The following IL19 variants were observed in gnomAD, a reference collection of about 807,000 sequenced individuals.
IL19 encodes the protein interleukin 19.
Under a neutral mutation model 19.5 loss-of-function variants are expected in IL19, and 15 were observed. The ratio of observed to expected loss-of-function variants is 0.77; its 90% CI spans 0.52 to 1.19. The LOEUF is 1.19. Among genes scored for constraint, IL19 ranks in the 50% most tolerant of loss-of-function variants. IL19 has a pLI of 0.00. For missense variants in IL19, 199 were observed against 213.1 expected, an observed-to-expected ratio of 0.93 and a Z score of 0.41; for synonymous variants, 78 against 78.3, an observed-to-expected ratio of 1.00 and a Z score of 0.02.
At chr1:206,778,690 T>C (rs1028102627) in intron 1 of IL19, among the ~76,000 whole-genome samples, 5 of 152,210 alleles carry the variant, frequency 3.3e-5, no homozygotes, top group Non-Finnish European at 5.9e-5. Context: ...CCCCTGCCAA[T>C]TTATGTAGTT....
At chr1:206,801,169 T>TAA (rs56281649) in intron 2 of IL19, among the ~76,000 whole-genome samples, 41,700 of 144,676 alleles carry the variant, frequency 0.29, 6,674 homozygotes, top group East Asian at 0.64. Context: ...ATTCGTAGTT[T>TAA]AAAAAAAAAA....
At chr1:206,783,805 C>T (rs757705452) in intron 1 of IL19, among the ~76,000 whole-genome samples, 1 of 152,174 alleles carries the variant, frequency 6.6e-6, no homozygotes, top group Non-Finnish European at 1.5e-5. Flanking sequence ...ATCTGTGTGA[C>T]CTTGGGCAAG....
intron 1 of IL19, among the ~76,000 whole-genome samples, chr1:206,782,025 A>ATATATACATATATATGTATATATAAC (rs1675159603): frequency 1.0e-5 from 1 of 97,914 alleles, no homozygotes; most frequent in Admixed American, 1.2e-4. Flanking sequence ...GTATATAGTT[A>ATATATACATATATATGTATATATAAC]TATATACATA....
At chr1:206,775,299 G>A (rs548715872) in intron 1 of IL19, among the ~76,000 whole-genome samples, 2 of 152,108 alleles carry the variant, frequency 1.3e-5, no homozygotes, top group East Asian at 1.9e-4. Context: ...TGATCCGCCC[G>A]CCTTGGCCTC....
At chr1:206,795,570 A>G (rs1478953065) in intron 1 of IL19, among the ~76,000 whole-genome samples, 1 of 152,214 alleles carries the variant, frequency 6.6e-6, no homozygotes, top group Non-Finnish European at 1.5e-5. Flanking sequence ...GAACTGTAGA[A>G]TGCTGGAGTT....
At chr1:206,806,554 T>A (rs759431639) in intron 2 of IL19, among the ~76,000 whole-genome samples, 3 of 152,238 alleles carry the variant, frequency 2.0e-5, no homozygotes, top group Non-Finnish European at 2.9e-5. Flanking sequence ...GAGAATTCTA[T>A]GCCTAGGTAA....
chr1:206,820,391 G>A lies in IL19; in HGVS notation c.-2-16270G>A, dbSNP rs562248680. ...CTGAGGGATATGTTCTATATTTGGA[G>A]CCTAAAGACCTACTAGCACCATCTA... On this transcript the variant is annotated intron_variant, in intron 2 of 6. Transcript: ENST00000659997. Among the ~76,000 whole-genome samples, 31 of 152,272 alleles carry A rather than the reference G, an allele frequency of 2.0e-4. 1 individual carries two copies. In the South Asian group the frequency reaches 6.4e-3, roughly 32 times the overall value.
intron 1 of IL19, among the ~76,000 whole-genome samples, chr1:206,783,227 T>C (rs1437648901): frequency 2.0e-5 from 3 of 152,110 alleles, no homozygotes; most frequent in Non-Finnish European, 2.9e-5. Flanking sequence ...AGAAACTCCT[T>C]TTCCCAGGGT....
chr1:206,782,361 T>C (rs952140391), intron 1 of IL19, among the ~76,000 whole-genome samples: 9 of 152,026 alleles, frequency 5.9e-5, no homozygotes, highest in African/African-American at 2.2e-4. Context: ...AATTTTCCCC[T>C]GGAAAAGGGA....
At chr1:206,780,626 G>A (rs888869428) in intron 1 of IL19, among the ~76,000 whole-genome samples, 2 of 152,192 alleles carry the variant, frequency 1.3e-5, no homozygotes, top group African/African-American at 4.8e-5. Context: ...AGAAGAAGAG[G>A]GGGTCTTATC....
intron 1 of IL19, among the ~76,000 whole-genome samples, chr1:206,785,526 A>G (rs1284188902): frequency 6.6e-6 from 1 of 152,094 alleles, no homozygotes; most frequent in Non-Finnish European, 1.5e-5. Context: ...GGTGGGGAGG[A>G]GAGTAGGTCA....
At chr1:206,792,786 T>C (rs1675439246) in intron 1 of IL19, among the ~76,000 whole-genome samples, 3 of 152,086 alleles carry the variant, frequency 2.0e-5, no homozygotes, top group African/African-American at 7.2e-5. Context: ...GCCCATCTTA[T>C]AGGTGAGGAA....
chr1:206,787,935 G>A (rs934214020), intron 1 of IL19, among the ~76,000 whole-genome samples: 3 of 152,092 alleles, frequency 2.0e-5, no homozygotes, highest in Admixed American at 6.5e-5. Context: ...ATCAGGTCTC[G>A]CTTTCCTTTC....
At chr1:206,815,017 G>A (rs746333798) in intron 2 of IL19, among the ~76,000 whole-genome samples, 4 of 152,184 alleles carry the variant, frequency 2.6e-5, no homozygotes, top group Non-Finnish European at 4.4e-5. Flanking sequence ...AGTACAGATA[G>A]GTCATTTCTG....
At chr1:206,808,502 T>C (rs766706848) in intron 2 of IL19, among the ~76,000 whole-genome samples, 98 of 70,894 alleles carry the variant, frequency 1.4e-3, no homozygotes, top group Non-Finnish European at 2.3e-3. Context: ...TGTGTGTGCG[T>C]GTGTGTGTGT....
intron 2 of IL19, among the ~76,000 whole-genome samples, chr1:206,810,911 TCTTG>T (rs1199928209): frequency 6.6e-6 from 1 of 152,206 alleles, no homozygotes; most frequent in African/African-American, 2.4e-5. Context: ...ATGGCATCTC[TCTTG>T]CTTCCTATCT....
At chr1:206,824,869 T>A (rs1016977921) in intron 2 of IL19, among the ~76,000 whole-genome samples, 12 of 152,320 alleles carry the variant, frequency 7.9e-5, no homozygotes, top group South Asian at 6.2e-4. Context: ...TTCAAGCGAT[T>A]ATCCTGCCTT....
At chr1:206,788,236 C>T (rs946991716) in intron 1 of IL19, among the ~76,000 whole-genome samples, 6 of 152,188 alleles carry the variant, frequency 3.9e-5, no homozygotes, top group African/African-American at 1.4e-4. Context: ...GTGTGCCCAC[C>T]ATATGCTATA....
At chr1:206,772,991 G>A (rs1334802789) in intron 1 of IL19, among the ~76,000 whole-genome samples, 1 of 152,102 alleles carries the variant, frequency 6.6e-6, no homozygotes, top group African/African-American at 2.4e-5. Flanking sequence ...AAAATGAGGG[G>A]GTGGGCTAAA....
Sources: gnomAD v4.1 joint callset for allele counts (sites outside exome capture counted in the v4.1 genomes callset) on GRCh38, gnomAD v4.1.1 for gene constraint, MANE v1.5 for transcripts, NCBI Gene and HGNC (gene_info 2026-07-23, HGNC 2026-07-21) for gene names.